The following SMCO4 variants were observed in gnomAD, a reference collection of about 807,000 sequenced individuals.
The protein encoded by SMCO4 is single-pass membrane protein with coiled-coil domains 4.
A neutral mutation model predicts 3.6 loss-of-function variants in SMCO4; 4 were observed. The ratio of observed to expected loss-of-function variants is 1.11; its 90% CI spans 0.54 to 2.53. The LOEUF (loss-of-function observed/expected upper bound fraction) is 2.53, where lower values mean the gene tolerates loss of function less well. Ranked by LOEUF, SMCO4 falls within the 30% of genes most tolerant of loss-of-function variation. The probability of loss-of-function intolerance (pLI) is 0.02; values close to 1 mark genes in which losing one functional copy is unlikely to be tolerated. For missense variants in SMCO4, 70 were observed against 80.8 expected, an observed-to-expected ratio of 0.87 and a Z score of 0.51; for synonymous variants, 36 against 35.3, an observed-to-expected ratio of 1.02 and a Z score of -0.07.
chr11:93,502,382 A>G (rs545764000), intron 1 of SMCO4, among the ~76,000 whole-genome samples: 1 of 152,260 alleles, frequency 6.6e-6, no homozygotes, highest in African/African-American at 2.4e-5. Flanking sequence ...AGAATGGAGA[A>G]GGCACTGGGG....
At chr11:93,553,395 CTG>C in the SMCO4 span, among the ~76,000 whole-genome samples, 2 of 152,164 alleles carry the variant, frequency 1.3e-5, no homozygotes, top group African/African-American at 4.8e-5. Context: ...CTTAATAAGT[CTG>C]TGTATAAACT....
At chr11:93,514,374 CTATA>C (rs148462986) in intron 1 of SMCO4, among the ~76,000 whole-genome samples, 877 of 38,804 alleles carry the variant, frequency 0.023, 7 homozygotes, top group Non-Finnish European at 0.038. Flanking sequence ...CAGGATGAGG[CTATA>C]TATATATATA....
chr11:93,483,038 C>A (rs756772879), intron 2 of SMCO4, among the ~76,000 whole-genome samples: 5 of 152,058 alleles, frequency 3.3e-5, no homozygotes, highest in Non-Finnish European at 5.9e-5. Context: ...GACAGACCTG[C>A]CTTCGAGAGG....
At chr11:93,503,871 T>C (rs1185682862) in intron 1 of SMCO4, among the ~76,000 whole-genome samples, 1 of 152,178 alleles carries the variant, frequency 6.6e-6, no homozygotes, top group East Asian at 1.9e-4. Flanking sequence ...TGGAAATGTA[T>C]TACAGCAGCA....
intron 1 of SMCO4, among the ~76,000 whole-genome samples, chr11:93,512,912 C>G (rs1208215577): frequency 6.6e-6 from 1 of 152,140 alleles, no homozygotes; most frequent in Non-Finnish European, 1.5e-5. Context: ...GTCTGAAAGG[C>G]CAAAGGCAAA....
At chr11:93,542,114 G>GAAA (rs11417314) in intron 1 of SMCO4, among the ~76,000 whole-genome samples, 35 of 148,572 alleles carry the variant, frequency 2.4e-4, no homozygotes, top group Admixed American at 1.6e-3. Context: ...TTGTAAAGGG[G>GAAA]AAAAAAAAAA....
the SMCO4 span, among the ~76,000 whole-genome samples, chr11:93,549,574 C>T: frequency 6.6e-6 from 1 of 151,968 alleles, no homozygotes; most frequent in Non-Finnish European, 1.5e-5. Context: ...TCAGCCTCCC[C>T]AGTAGCTTGG....
chr11:93,545,125 T>C (rs1949305416), upstream of SMCO4, among the ~76,000 whole-genome samples: 1 of 152,192 alleles, frequency 6.6e-6, no homozygotes, highest in Non-Finnish European at 1.5e-5. Context: ...TCATTGTAAA[T>C]GCCATTTTCC....
chr11:93,543,097 G>T (rs1949285128), intron 1 of SMCO4, among the ~76,000 whole-genome samples, 179 bp downstream of exon 1: 1 of 151,508 alleles, frequency 6.6e-6, no homozygotes, highest in Non-Finnish European at 1.5e-5. Context: ...AGTTGCGCTC[G>T]GGACCCGCCG....
chr11:93,482,926 C>T (rs754961375), intron 2 of SMCO4, among the ~76,000 whole-genome samples: 1 of 152,008 alleles, frequency 6.6e-6, no homozygotes, highest in Admixed American at 6.6e-5. Context: ...AAATAATAAG[C>T]GAAACTAGAG....
At chr11:93,510,472 AAC>A (rs1214480492) in intron 1 of SMCO4, among the ~76,000 whole-genome samples, 2 of 152,320 alleles carry the variant, frequency 1.3e-5, no homozygotes, top group East Asian at 1.9e-4. Flanking sequence ...ATTTTTAAAA[AAC>A]AGTCACTTTT....
chr11:93,520,482 A>G (rs1438109018), intron 1 of SMCO4, among the ~76,000 whole-genome samples: 1 of 152,222 alleles, frequency 6.6e-6, no homozygotes, highest in Non-Finnish European at 1.5e-5. Context: ...ACCTTGTTGG[A>G]AGCACAGGCA....
chr11:93,489,781 C>G (rs1282448934), intron 2 of SMCO4, among the ~76,000 whole-genome samples: 3 of 152,064 alleles, frequency 2.0e-5, no homozygotes. Context: ...TGTCCCTCAC[C>G]TGTCCCCCCA....
In SMCO4 at chr11:93,535,287, G is replaced by A. The variant is rs3793997; in HGVS notation, c.-154+7989C>T. 6.8e-3 allele frequency among the ~76,000 whole-genome samples: 1,040 copies of A among 152,284 alleles called. 38 individuals are homozygous for A. In the East Asian group the frequency reaches 0.092, roughly 13 times the overall value. ...ACCACAATGCCACCACTGGTGGCATGACGCTTACACCACCCTGAGCTGAGC... is the reference window on the plus strand; with the variant it reads ...ACCACAATGCCACCACTGGTGGCATAACGCTTACACCACCCTGAGCTGAGC... On this transcript the variant is annotated intron_variant, in intron 1 of 2. Transcript: ENST00000298966.
chr11:93,502,703 C>T (rs905659020), intron 1 of SMCO4, among the ~76,000 whole-genome samples: 1 of 152,034 alleles, frequency 6.6e-6, no homozygotes, highest in African/African-American at 2.4e-5. Context: ...CACTAAGGAA[C>T]AAAACTTAAT....
chr11:93,493,211 C>A (rs1948738729), intron 2 of SMCO4, among the ~76,000 whole-genome samples: 1 of 152,154 alleles, frequency 6.6e-6, no homozygotes, highest in Non-Finnish European at 1.5e-5. Context: ...GCCACTGGTC[C>A]AACTGCAGAC....
intron 1 of SMCO4, among the ~76,000 whole-genome samples, chr11:93,511,090 C>T (rs1948952960): frequency 6.6e-6 from 1 of 152,030 alleles, no homozygotes; most frequent in Non-Finnish European, 1.5e-5. Flanking sequence ...CAGAGCAAGA[C>T]TCCGTCTCAA....
intron 1 of SMCO4, among the ~76,000 whole-genome samples, chr11:93,521,050 A>G (rs1360094433): frequency 3.3e-5 from 5 of 152,242 alleles, no homozygotes; most frequent in African/African-American, 4.8e-5. Flanking sequence ...AATACAAAGC[A>G]CCTGGCTTTC....
intron 2 of SMCO4, 104 bp downstream of exon 2, chr11:93,499,172 G>A (rs190630202): frequency 1.6e-3 from 250 of 152,354 alleles, no homozygotes; most frequent in African/African-American, 5.8e-3. Flanking sequence ...GCCAGGCAGA[G>A]AGAAGGGGTA....
Sources: gnomAD v4.1 joint callset for allele counts (sites outside exome capture counted in the v4.1 genomes callset) on GRCh38, gnomAD v4.1.1 for gene constraint, MANE v1.5 for transcripts, NCBI Gene and HGNC (gene_info 2026-07-23, HGNC 2026-07-21) for gene names.